Variants in CPXM2 observed in about 807,000 individuals in gnomAD.
The protein encoded by CPXM2 is inactive carboxypeptidase-like protein X2.
A neutral mutation model predicts 86.1 loss-of-function variants in CPXM2; 66 were observed. The observed-to-expected ratio is 0.77, with a 90% CI of 0.63 to 0.94. The LOEUF (loss-of-function observed/expected upper bound fraction) is 0.94, where lower values mean the gene tolerates loss of function less well. Among genes scored for constraint, CPXM2 ranks in the 40% least tolerant of loss-of-function variants. The pLI, the probability that CPXM2 is intolerant of heterozygous loss-of-function variation, is 0.00. For synonymous variants in CPXM2, 388 were observed against 400.2 expected (o/e 0.97, Z 0.36); for missense variants, 948 against 1,026.3 (o/e 0.92, Z 1.04).
chr10:123,873,144 G>T (rs191804139), intron 2 of CPXM2, among the ~76,000 whole-genome samples: 1 of 152,072 alleles, frequency 6.6e-6, no homozygotes, highest in South Asian at 2.1e-4. Flanking sequence ...TATACATTAC[G>T]ATTTATACTT....
At chr10:123,795,169 C>T (rs1426034956) in intron 6 of CPXM2, among the ~76,000 whole-genome samples, 1 of 152,176 alleles carries the variant, frequency 6.6e-6, no homozygotes, top group East Asian at 1.9e-4. Context: ...ATACACCTTG[C>T]TGTGAAACCA....
intron 9 of CPXM2, among the ~76,000 whole-genome samples, chr10:123,767,552 A>G (rs2134000060): frequency 6.6e-6 from 1 of 152,302 alleles, no homozygotes; most frequent in African/African-American, 2.4e-5. Flanking sequence ...CTATTTAGCA[A>G]TGCAAATTCC....
intron 4 of CPXM2, among the ~76,000 whole-genome samples, chr10:123,803,053 A>AAT (rs995510585): frequency 2.8e-4 from 41 of 147,126 alleles, no homozygotes; most frequent in Admixed American, 1.5e-3. Flanking sequence ...ATATGAGTTG[A>AAT]ATATATATAT....
At chr10:123,892,451 G>A (rs1477837353), upstream of CPXM2, among the ~76,000 whole-genome samples, 1 of 152,208 alleles carries the variant, frequency 6.6e-6, no homozygotes, top group Non-Finnish European at 1.5e-5. Context: ...CTCTTGCCCA[G>A]AGGGTCCTTT....
At chr10:123,897,180 A>G (rs1439101428) in intron 2 of CPXM2, among the ~76,000 whole-genome samples, 1 of 151,134 alleles carries the variant, frequency 6.6e-6, no homozygotes, top group Non-Finnish European at 1.5e-5. Context: ...TGACTTCCTC[A>G]CAGACTGAGC....
At chr10:123,802,913 C>T (rs1349627854) in intron 4 of CPXM2, among the ~76,000 whole-genome samples, 2 of 151,802 alleles carry the variant, frequency 1.3e-5, no homozygotes, top group East Asian at 1.9e-4. Context: ...TAATGAAGTT[C>T]GATATTTTGT....
In CPXM2 at chr10:123,864,812, C is replaced by T. The variant is rs1322323589; in HGVS notation, c.404-2089G>A. Among the ~76,000 whole-genome samples, 4 of 152,010 alleles carry T rather than the reference C, an allele frequency of 2.6e-5. No individual in the cohort carries two copies. In the South Asian group the frequency reaches 6.2e-4, roughly 24 times the overall value. ...TCCTATGCACGTGAGTATTTTAATT[C>T]AAAAAAGGAAGTACCTGACTAAAAT... On this transcript the variant is annotated intron_variant, in intron 2 of 13. Coordinates refer to ENST00000241305, the MANE Select transcript of CPXM2 (RefSeq NM_198148.3).
intron 6 of CPXM2, among the ~76,000 whole-genome samples, chr10:123,788,809 T>G (rs1443257091): frequency 6.7e-6 from 1 of 150,050 alleles, no homozygotes; most frequent in Non-Finnish European, 1.5e-5. Flanking sequence ...GCATTATGAA[T>G]GCACTAACTA....
At chr10:123,867,403 G>A (rs950667604) in intron 2 of CPXM2, among the ~76,000 whole-genome samples, 3 of 151,814 alleles carry the variant, frequency 2.0e-5, no homozygotes, top group Non-Finnish European at 2.9e-5. Context: ...AAATTAATTC[G>A]AAATACATAA....
At chr10:123,797,534 G>A (rs572938468) in intron 6 of CPXM2, among the ~76,000 whole-genome samples, 23 of 152,156 alleles carry the variant, frequency 1.5e-4, no homozygotes, top group Non-Finnish European at 2.6e-4. Context: ...CCATAGACAT[G>A]TATTTTTTTA....
chr10:123,823,045 A>C (rs927075113), intron 4 of CPXM2, among the ~76,000 whole-genome samples: 1 of 152,208 alleles, frequency 6.6e-6, no homozygotes, highest in African/African-American at 2.4e-5. Flanking sequence ...TAAAGCTGTT[A>C]AAAATTCTTG....
At position 123,848,890 on chromosome 10, in the gene CPXM2, C is replaced by A. The variant is rs115047190; in HGVS notation, c.514-6402G>T. Among the ~76,000 whole-genome samples, 857 of 152,220 alleles carry A rather than the reference C, an allele frequency of 5.6e-3. 11 individuals are homozygous for A. Among genetic ancestry groups the A allele is most frequent in the African/African-American group, 0.02 (827 of 41,534 alleles). On this transcript the variant is annotated intron_variant, in intron 3 of 13. Coordinates refer to ENST00000241305, the MANE Select transcript of CPXM2 (RefSeq NM_198148.3). ...GATAGAAATAAAATATGTGATAATA[C>A]CATTGTCACAGTTACAAGTATTTTG...
intron 2 of CPXM2, among the ~76,000 whole-genome samples, chr10:123,930,000 G>A (rs974073106): frequency 6.6e-6 from 1 of 152,186 alleles, no homozygotes; most frequent in Non-Finnish European, 1.5e-5. Flanking sequence ...CATCTGCTGT[G>A]GGCGTGGCTG....
chr10:123,770,911 C>G lies in CPXM2; in HGVS notation c.1102+5G>C. On this transcript the variant is annotated splice_donor_5th_base_variant and intron_variant, in intron 8 of 13. Transcript: ENST00000241305. ...GGCCAAGCATCCCAGAGGGGCCCTT[C>G]TCACCGACTTCATGCTCCCCAGGGT... 1 of 1,610,902 alleles carries G rather than the reference C, an allele frequency of 6.2e-7. No individual in the cohort carries two copies.
chr10:123,919,783 T>C (rs557288904), intron 2 of CPXM2, among the ~76,000 whole-genome samples: 1 of 152,206 alleles, frequency 6.6e-6, no homozygotes, highest in Non-Finnish European at 1.5e-5. Context: ...TTCTATAGAC[T>C]GTACAAGAAG....
chr10:123,854,932 T>C (rs1330460559), intron 3 of CPXM2, among the ~76,000 whole-genome samples: 1 of 152,118 alleles, frequency 6.6e-6, no homozygotes, highest in Non-Finnish European at 1.5e-5. Flanking sequence ...GGTTCCTTAA[T>C]AATCTGTGGT....
At chr10:123,747,058 G>C in intron 13 of CPXM2, 41 bp from the exon 14 acceptor site, 2 of 1,600,460 alleles carry the variant, frequency 1.2e-6, no homozygotes, top group Non-Finnish European at 1.7e-6. Flanking sequence ...AGCAGCTCTT[G>C]CTAATGCAGA....
chr10:123,883,225 CAT>C (rs1945122978), intron 1 of CPXM2, among the ~76,000 whole-genome samples: 1 of 152,220 alleles, frequency 6.6e-6, no homozygotes, highest in South Asian at 2.1e-4. Flanking sequence ...GTAGGATCAA[CAT>C]GTGGGGAACA....
intron 3 of CPXM2, among the ~76,000 whole-genome samples, chr10:123,847,507 C>G (rs1457378878): frequency 6.6e-6 from 1 of 151,576 alleles, no homozygotes; most frequent in Non-Finnish European, 1.5e-5. Context: ...GCCTGGGCAA[C>G]AGGGCGAGAC....
Sources: gnomAD v4.1 joint callset for allele counts (sites outside exome capture counted in the v4.1 genomes callset) on GRCh38, gnomAD v4.1.1 for gene constraint, MANE v1.5 for transcripts, NCBI Gene and HGNC (gene_info 2026-07-23, HGNC 2026-07-21) for gene names.